Variants in USP25 observed in about 807,000 individuals in gnomAD.
USP25 encodes the protein ubiquitin carboxyl-terminal hydrolase 25.
In USP25, 85 loss-of-function variants were observed where a neutral mutation model predicts 158.5. The ratio of observed to expected loss-of-function variants is 0.54; its 90% CI spans 0.45 to 0.64. The LOEUF is 0.64. Ranked by LOEUF, USP25 falls within the 30% of genes least tolerant of loss-of-function variation. The pLI is 0.00. For missense variants in USP25, 1,242 were observed against 1,327.3 expected (o/e 0.94, Z 1.00); for synonymous variants, 464 against 460.4 (o/e 1.01, Z -0.10).
At chr21:15,819,802 T>C (rs549554012) in intron 10 of USP25, among the ~76,000 whole-genome samples, 14 of 152,212 alleles carry the variant, frequency 9.2e-5, no homozygotes, top group East Asian at 7.7e-4. Flanking sequence ...AATTTTTTTT[T>C]CTTAAAGATG....
intron 1 of USP25, among the ~76,000 whole-genome samples, chr21:15,757,340 G>T (rs981616417): frequency 2.6e-5 from 4 of 151,830 alleles, no homozygotes; most frequent in Non-Finnish European, 5.9e-5. Flanking sequence ...CCTTCTCCCC[G>T]ATCACCAGTT....
chr21:15,792,647 T>C (rs1158561558), intron 5 of USP25, among the ~76,000 whole-genome samples: 1 of 151,700 alleles, frequency 6.6e-6, no homozygotes, highest in Admixed American at 6.6e-5. Flanking sequence ...TGGTTCATTT[T>C]CTACAAGTTA....
intron 1 of USP25, among the ~76,000 whole-genome samples, chr21:15,756,171 G>A (rs1404825343): frequency 1.3e-5 from 2 of 152,124 alleles, no homozygotes; most frequent in Non-Finnish European, 2.9e-5. Flanking sequence ...TCCTGCTATA[G>A]GAGTTAATCT....
rs1170673703 is a variant in USP25 at position 15,777,926 on chromosome 21, T to C, written c.291T>C (p.Asp97=). 3.1e-6 allele frequency: 5 copies of C among 1,610,574 alleles called. No individual in the cohort carries two copies. Among genetic ancestry groups the C allele is most frequent in the Non-Finnish European group, 2.5e-6 (3 of 1,178,912 alleles). Reference sequence around the variant, plus strand: ...CAGATGTGATTGATCTCACTGGAGATGATAAAGATGATCTTCAGAGAGCAA... The same window carrying C: ...CAGATGTGATTGATCTCACTGGAGACGATAAAGATGATCTTCAGAGAGCAA... ...ADTNVIDLTG[D]DKDDLQRAIA... The change falls in exon 4 of 26, where the codon GAT becomes GAC. Residue 97 remains aspartate (D), a synonymous_variant. Transcript: ENST00000400183.
intron 1 of USP25, among the ~76,000 whole-genome samples, chr21:15,739,322 G>T (rs1172626985): frequency 1.3e-5 from 2 of 151,958 alleles, no homozygotes; most frequent in Non-Finnish European, 2.9e-5. Context: ...ATTTACATGT[G>T]TTAGTTGTGC....
chr21:15,771,580 A>G (rs17275490), intron 3 of USP25, among the ~76,000 whole-genome samples: 2,850 of 152,146 alleles, frequency 0.019, 46 homozygotes, highest in Non-Finnish European at 0.029. Flanking sequence ...GAATGGCAGT[A>G]TTCTCGTTTC....
chr21:15,818,605 A>G, intron 9 of USP25, 93 bp from the exon 10 acceptor site: 1 of 1,123,140 alleles, frequency 8.9e-7, no homozygotes, highest in Non-Finnish European at 1.3e-6. Context: ...TCAGTGTTAC[A>G]ATTTTCAGGT....
intron 22 of USP25, among the ~76,000 whole-genome samples, chr21:15,867,849 A>T (rs964382103): frequency 1.3e-5 from 2 of 152,168 alleles, no homozygotes; most frequent in African/African-American, 4.8e-5. Flanking sequence ...ATTGGGAGAC[A>T]TTAACAAAGA....
Position 15,775,739 on chromosome 21 carries a change from ACCCCCCCCC to A in USP25, c.269-2158_269-2150del, listed in dbSNP as rs57912569. On this transcript the variant is annotated intron_variant, in intron 3 of 25. Coordinates refer to ENST00000400183, the MANE Select transcript of USP25 (RefSeq NM_001283041.3). ...CAAAGGCAACAGGATAATGGTTGCC[ACCCCCCCCC>A]CCCCCCGCCCCCGCTGCACTCTGCC... Among the ~76,000 whole-genome samples, 45 of 14,052 alleles carry A rather than the reference ACCCCCCCCC, an allele frequency of 3.2e-3. 5 individuals are homozygous for A. Among genetic ancestry groups the A allele is most frequent in the Non-Finnish European group, 5.6e-3 (43 of 7,728 alleles). 9.2% of individuals were successfully genotyped at this position (14,052 alleles called of 152,430 possible). A position where few individuals can be genotyped will look rare whatever the true frequency, so the allele number is the denominator to read the frequency against.
intron 20 of USP25, among the ~76,000 whole-genome samples, chr21:15,859,581 C>T (rs998436154): frequency 1.1e-4 from 17 of 152,064 alleles, no homozygotes; most frequent in African/African-American, 3.9e-4. Context: ...CAGCCCAGCT[C>T]GAAAACATCG....
chr21:15,750,751 T>C (rs2032948448), intron 1 of USP25, among the ~76,000 whole-genome samples: 2 of 151,810 alleles, frequency 1.3e-5, no homozygotes, highest in South Asian at 4.2e-4. Flanking sequence ...GGACTACAGG[T>C]GCCCGCCACC....
intron 4 of USP25, among the ~76,000 whole-genome samples, chr21:15,790,363 A>G (rs781663940): frequency 2.3e-4 from 35 of 152,134 alleles, no homozygotes; most frequent in Non-Finnish European, 1.3e-4. Context: ...TGTGTGTTTT[A>G]TTGATTCCCA....
intron 5 of USP25, among the ~76,000 whole-genome samples, chr21:15,799,300 T>C (rs548782144): frequency 6.6e-5 from 10 of 151,248 alleles, no homozygotes; most frequent in Non-Finnish European, 1.2e-4. Context: ...AATTGTGTAC[T>C]TCCTTGAGCA....
intron 1 of USP25, among the ~76,000 whole-genome samples, chr21:15,748,148 G>A (rs2032707699): frequency 6.6e-6 from 1 of 152,108 alleles, no homozygotes; most frequent in African/African-American, 2.4e-5. Flanking sequence ...TTTCCCCTCT[G>A]GAGAACCAGC....
intron 1 of USP25, among the ~76,000 whole-genome samples, chr21:15,760,503 A>G (rs1467411193): frequency 6.6e-6 from 1 of 152,224 alleles, no homozygotes; most frequent in Non-Finnish European, 1.5e-5. Flanking sequence ...AGCTGAATAT[A>G]GTTTCTATCT....
chr21:15,852,553 C>G (rs1011382398), intron 20 of USP25, among the ~76,000 whole-genome samples: 1 of 152,012 alleles, frequency 6.6e-6, no homozygotes, highest in Non-Finnish European at 1.5e-5. Context: ...AGTATTATCA[C>G]GAAGCTTATC....
At chr21:15,756,476 G>A (rs2123355810) in intron 1 of USP25, among the ~76,000 whole-genome samples, 1 of 152,184 alleles carries the variant, frequency 6.6e-6, no homozygotes, top group East Asian at 1.9e-4. Context: ...CTTGTCTTGG[G>A]CCAGTGATCC....
intron 3 of USP25, among the ~76,000 whole-genome samples, chr21:15,770,628 A>AT (rs1240690104): frequency 6.6e-6 from 1 of 152,208 alleles, no homozygotes. Context: ...GAACTAGACC[A>AT]TTTAAAGCTG....
chr21:15,809,751 A>C (rs2036566319), intron 8 of USP25, among the ~76,000 whole-genome samples: 1 of 152,166 alleles, frequency 6.6e-6, no homozygotes, highest in African/African-American at 2.4e-5. Context: ...AAGCAAACCA[A>C]ATGTCCATTG....
Sources: gnomAD v4.1 joint callset for allele counts (sites outside exome capture counted in the v4.1 genomes callset) on GRCh38, gnomAD v4.1.1 for gene constraint, MANE v1.5 for transcripts, NCBI Gene and HGNC (gene_info 2026-07-23, HGNC 2026-07-21) for gene names.